The following SRGAP1 variants were observed in gnomAD, a reference collection of about 807,000 sequenced individuals.
The protein encoded by SRGAP1 is SLIT-ROBO Rho GTPase activating protein 1, also known as SLIT-ROBO Rho GTPase-activating protein 1.
Under a neutral mutation model 121.9 loss-of-function variants are expected in SRGAP1, and 43 were observed. The observed-to-expected ratio is 0.35, with a 90% CI of 0.28 to 0.46. SRGAP1 has a LOEUF of 0.46. Ranked by LOEUF, SRGAP1 falls within the 20% of genes least tolerant of loss-of-function variation. SRGAP1 has a pLI of 1.00. For missense variants in SRGAP1, 1,102 were observed against 1,350.9 expected, an observed-to-expected ratio of 0.82 and a Z score of 2.89; for synonymous variants, 447 against 485.4, an observed-to-expected ratio of 0.92 and a Z score of 1.04.
intron 8 of SRGAP1, 134 bp downstream of exon 8, chr12:64,065,353 C>T: frequency 4.0e-6 from 3 of 755,386 alleles, no homozygotes; most frequent in Non-Finnish European, 6.6e-6. Context: ...CTCAGGGTTC[C>T]TGTAGTACTC....
chr12:64,089,527 T>C (rs552586821), intron 11 of SRGAP1, among the ~76,000 whole-genome samples: 28 of 152,338 alleles, frequency 1.8e-4, no homozygotes, highest in African/African-American at 6.5e-4. Context: ...TAAAACACTT[T>C]TAAAATAGTG....
chr12:64,040,677 C>T (rs2034997707), intron 4 of SRGAP1, among the ~76,000 whole-genome samples: 3 of 152,116 alleles, frequency 2.0e-5, no homozygotes, highest in Admixed American at 2.0e-4. Context: ...GACTGTTACT[C>T]TCCTGTACCT....
chr12:64,117,435 T>C (rs1392664800), intron 18 of SRGAP1, among the ~76,000 whole-genome samples: 1 of 152,206 alleles, frequency 6.6e-6, no homozygotes, highest in Non-Finnish European at 1.5e-5. Context: ...TTTGCAGATA[T>C]CTTCCCCTGC....
intron 1 of SRGAP1, among the ~76,000 whole-genome samples, chr12:63,850,771 CA>C (rs1159727853): frequency 6.6e-6 from 1 of 152,094 alleles, no homozygotes; most frequent in African/African-American, 2.4e-5. Context: ...ATTTTCACTT[CA>C]ATTCAAACAA....
At chr12:63,853,180 C>T (rs891780979) in intron 1 of SRGAP1, among the ~76,000 whole-genome samples, 5 of 151,774 alleles carry the variant, frequency 3.3e-5, no homozygotes, top group South Asian at 2.1e-4. Context: ...CCACCATGCC[C>T]GGCTAATTTT....
At chr12:63,982,127 C>A (rs2033270466) in intron 1 of SRGAP1, among the ~76,000 whole-genome samples, 2 of 151,962 alleles carry the variant, frequency 1.3e-5, no homozygotes, top group African/African-American at 4.8e-5. Flanking sequence ...AGGAGAATGG[C>A]GTGGACCCGG....
At chr12:63,894,596 A>G (rs558340817) in intron 1 of SRGAP1, among the ~76,000 whole-genome samples, 4 of 151,794 alleles carry the variant, frequency 2.6e-5, no homozygotes, top group South Asian at 4.2e-4. Flanking sequence ...TACATTAGTT[A>G]TATCTCCTAA....
At chr12:63,864,172 G>A (rs560683912) in intron 1 of SRGAP1, among the ~76,000 whole-genome samples, 7 of 152,182 alleles carry the variant, frequency 4.6e-5, no homozygotes, top group South Asian at 2.1e-4. Flanking sequence ...CTTTGAAGAC[G>A]GGAACTGTAC....
intron 1 of SRGAP1, among the ~76,000 whole-genome samples, chr12:63,931,231 G>A (rs1005262717): frequency 4.6e-5 from 7 of 152,130 alleles, no homozygotes; most frequent in African/African-American, 1.4e-4. Flanking sequence ...ACAGTACAGT[G>A]GAGTAATACA....
intron 4 of SRGAP1, among the ~76,000 whole-genome samples, chr12:64,019,171 A>G (rs1253118548): frequency 6.6e-6 from 1 of 152,242 alleles, no homozygotes; most frequent in African/African-American, 2.4e-5. Context: ...AAAAGTCAAT[A>G]GAGTGTCCTG....
intron 1 of SRGAP1, among the ~76,000 whole-genome samples, chr12:63,861,301 TA>T (rs149368877): frequency 1.6e-3 from 196 of 125,488 alleles, no homozygotes; most frequent in African/African-American, 5.8e-3. Context: ...TATATATATA[TA>T]TTTTTTTTTT....
At position 64,126,068 on chromosome 12, in the gene SRGAP1, G is replaced by A. The variant is rs760042701; in HGVS notation, c.2316G>A (p.Leu772=). 6.2e-7 allele frequency: 1 copy of A among 1,614,196 alleles called. No homozygotes were observed. The highest frequency in any genetic ancestry group is 8.5e-7 in the Non-Finnish European group (1 of 1,180,018). ...LSFKKGASLL[L]YHRASEDWWE... ...TCAAGAAGGGTGCCTCCCTGCTGCT[G>A]TATCACCGTGCATCTGAGGACTGGT... Residue 772 remains leucine, a synonymous_variant, in exon 19 of 22, where the codon CTG becomes CTA. Transcript: ENST00000355086.
intron 7 of SRGAP1, among the ~76,000 whole-genome samples, chr12:64,064,909 G>A (rs904975119): frequency 5.3e-5 from 8 of 152,200 alleles, no homozygotes; most frequent in African/African-American, 1.7e-4. Context: ...CCCAGTTGTA[G>A]CCAGGCCAAG....
At chr12:63,856,332 A>T (rs1314319487) in intron 1 of SRGAP1, among the ~76,000 whole-genome samples, 1 of 152,106 alleles carries the variant, frequency 6.6e-6, no homozygotes, top group African/African-American at 2.4e-5. Context: ...GTTCATTTTT[A>T]ATCTGTTCAC....
intron 18 of SRGAP1, among the ~76,000 whole-genome samples, chr12:64,121,250 C>T (rs1033377797): frequency 6.6e-6 from 1 of 151,962 alleles, no homozygotes; most frequent in African/African-American, 2.4e-5. Flanking sequence ...TGGGCTCAAA[C>T]GATCCTCCTG....
intron 6 of SRGAP1, among the ~76,000 whole-genome samples, chr12:64,055,299 ATGTGAAGGACCTCTTC>A (rs2035319583): frequency 1.4e-5 from 2 of 143,644 alleles, no homozygotes; most frequent in Admixed American, 1.4e-4. Context: ...CTTACAAGGG[ATGTGAAGGACCTCTTC>A]AAGGAGAACT....
At chr12:63,856,202 A>C (rs1163404448) in intron 1 of SRGAP1, among the ~76,000 whole-genome samples, 2 of 152,104 alleles carry the variant, frequency 1.3e-5, no homozygotes, top group Admixed American at 6.6e-5. Context: ...GGATGAGCCA[A>C]GATCGCACCA....
chr12:64,006,284 G>A (rs748900263), intron 3 of SRGAP1, among the ~76,000 whole-genome samples: 1 of 152,162 alleles, frequency 6.6e-6, no homozygotes. Flanking sequence ...GCTAGAGAAA[G>A]ATAAGGGTAG....
chr12:64,096,447 G>A (rs2036156508), intron 14 of SRGAP1, among the ~76,000 whole-genome samples: 1 of 152,132 alleles, frequency 6.6e-6, no homozygotes, highest in Admixed American at 6.5e-5. Flanking sequence ...ATTTAAGGTT[G>A]TATTTTATGT....
Sources: gnomAD v4.1 joint callset for allele counts (sites outside exome capture counted in the v4.1 genomes callset) on GRCh38, gnomAD v4.1.1 for gene constraint, MANE v1.5 for transcripts, NCBI Gene and HGNC (gene_info 2026-07-23, HGNC 2026-07-21) for gene names.